KCNT2: variants seen among roughly 807,000 people sequenced by gnomAD.
KCNT2 encodes potassium sodium-activated channel subfamily T member 2, also known as potassium channel subfamily T member 2.
A neutral mutation model predicts 153.8 loss-of-function variants in KCNT2; 67 were observed. The observed-to-expected ratio is 0.44, with a 90% CI of 0.36 to 0.53. KCNT2 has a LOEUF of 0.53. Ranked by LOEUF, KCNT2 falls within the 20% of genes least tolerant of loss-of-function variation. KCNT2 has a pLI of 0.00. For synonymous variants in KCNT2, 500 were observed against 458.8 expected (o/e 1.09, Z -1.15); for missense variants, 975 against 1,354.8 (o/e 0.72, Z 4.40).
intron 13 of KCNT2, among the ~76,000 whole-genome samples, chr1:196,374,569 A>G (rs1314482340): frequency 2.0e-5 from 3 of 151,990 alleles, no homozygotes; most frequent in East Asian, 3.9e-4. Flanking sequence ...TAATTGACAT[A>G]AAATGTTTTT....
At chr1:196,315,049 A>G (rs916571555) in intron 21 of KCNT2, among the ~76,000 whole-genome samples, 1 of 151,726 alleles carries the variant, frequency 6.6e-6, no homozygotes, top group African/African-American at 2.4e-5. Flanking sequence ...AACTCAAATT[A>G]GAAGGCAAAA....
chr1:196,585,438 G>T (rs1331818443), intron 1 of KCNT2, among the ~76,000 whole-genome samples: 1 of 151,936 alleles, frequency 6.6e-6, no homozygotes, highest in Non-Finnish European at 1.5e-5. Flanking sequence ...TTTATATTTT[G>T]ATTATTGGAC....
chr1:196,592,991 AGTG>A (rs1330854884), intron 1 of KCNT2, among the ~76,000 whole-genome samples: 1 of 150,690 alleles, frequency 6.6e-6, no homozygotes, highest in Non-Finnish European at 1.5e-5. Context: ...GAAGTTCTTT[AGTG>A]GTGATTTGTA....
chr1:196,538,725 T>C (rs576278891), intron 1 of KCNT2, among the ~76,000 whole-genome samples: 2 of 152,278 alleles, frequency 1.3e-5, no homozygotes, highest in South Asian at 2.1e-4. Context: ...CACTTCAGCC[T>C]ACTCCTGACT....
intron 1 of KCNT2, among the ~76,000 whole-genome samples, chr1:196,500,419 A>G (rs545598497): frequency 6.6e-6 from 1 of 152,254 alleles, no homozygotes; most frequent in Non-Finnish European, 1.5e-5. Flanking sequence ...TGGTCTTTCT[A>G]TTCTTTTTCT....
At chr1:196,462,616 C>T (rs1363280182) in intron 8 of KCNT2, among the ~76,000 whole-genome samples, 1 of 151,176 alleles carries the variant, frequency 6.6e-6, no homozygotes, top group East Asian at 1.9e-4. Context: ...AAAACTAAAA[C>T]TTTTGAGGTG....
intron 19 of KCNT2, among the ~76,000 whole-genome samples, chr1:196,319,804 A>G (rs1183447083): frequency 6.6e-6 from 1 of 151,842 alleles, no homozygotes; most frequent in Non-Finnish European, 1.5e-5. Context: ...ACATTATCGC[A>G]TAATTCTACA....
At chr1:196,588,314 C>T (rs886721215) in intron 1 of KCNT2, among the ~76,000 whole-genome samples, 1 of 151,200 alleles carries the variant, frequency 6.6e-6, no homozygotes, top group African/African-American at 2.4e-5. Flanking sequence ...AAAGCTGTTG[C>T]CCTAATGCCC....
chr1:196,354,240 C>A (rs1204335962), intron 14 of KCNT2, among the ~76,000 whole-genome samples: 1 of 151,584 alleles, frequency 6.6e-6, no homozygotes, highest in African/African-American at 2.4e-5. Flanking sequence ...GGGAGTCTAC[C>A]TCTTTCACAG....
intron 13 of KCNT2, among the ~76,000 whole-genome samples, chr1:196,381,958 C>A (rs1669529853): frequency 6.6e-6 from 1 of 151,706 alleles, no homozygotes; most frequent in African/African-American, 2.4e-5. Context: ...TTATTAGTAG[C>A]AAATAAATAC....
At chr1:196,444,988 A>G (rs2148599700) in intron 8 of KCNT2, among the ~76,000 whole-genome samples, 1 of 151,498 alleles carries the variant, frequency 6.6e-6, no homozygotes, top group South Asian at 2.1e-4. Context: ...TCAGTCTAAA[A>G]GGATTTTCTA....
chr1:196,316,060 T>G, intron 20 of KCNT2, 34 bp from the exon 21 acceptor site: 2 of 1,592,332 alleles, frequency 1.3e-6, no homozygotes, highest in Non-Finnish European at 1.7e-6. Flanking sequence ...AAACAAACAT[T>G]AAATAAATCA....
chr1:196,563,311 G>A (rs1441650531), intron 1 of KCNT2, among the ~76,000 whole-genome samples: 1 of 151,444 alleles, frequency 6.6e-6, no homozygotes, highest in Non-Finnish European at 1.5e-5. Context: ...GACTGCTTTG[G>A]TATAATTTTC....
chr1:196,448,543 G>T (rs1196070152), intron 8 of KCNT2, among the ~76,000 whole-genome samples: 5 of 151,400 alleles, frequency 3.3e-5, no homozygotes. Flanking sequence ...CTACTGTGTG[G>T]CCTGGAAGCT....
intron 25 of KCNT2, among the ~76,000 whole-genome samples, chr1:196,269,891 C>T (rs928384986): frequency 7.9e-5 from 12 of 152,084 alleles, no homozygotes; most frequent in Admixed American, 2.6e-4. Context: ...CCTTTTGTAA[C>T]GTACTCATAA....
rs140925391 is a variant in KCNT2 at position 196,542,782 on chromosome 1, G to A, written c.96-50441C>T. Among the ~76,000 whole-genome samples the A allele has an allele frequency of 2.0e-3, 303 of 152,184 alleles. 1 individual carries two copies. Among genetic ancestry groups the A allele is most frequent in the African/African-American group, 6.7e-3 (277 of 41,550 alleles). On this transcript the variant is annotated intron_variant, in intron 1 of 27. Transcript: ENST00000294725. ...GAAAATGGCAATAAATAAGATACCT[G>A]CTCCTCCTCAGGAAGACAAGAAACA...
At chr1:196,378,828 A>G (rs1180986612) in intron 13 of KCNT2, among the ~76,000 whole-genome samples, 1 of 146,906 alleles carries the variant, frequency 6.8e-6, no homozygotes, top group African/African-American at 2.5e-5. Flanking sequence ...TATATATATT[A>G]TATATATATA....
chr1:196,477,628 G>A (rs1042886951), intron 5 of KCNT2, among the ~76,000 whole-genome samples: 1 of 152,176 alleles, frequency 6.6e-6, no homozygotes. Flanking sequence ...TGATGTGCTA[G>A]ATATGAGTTC....
At chr1:196,555,504 A>G (rs1300019937) in intron 1 of KCNT2, among the ~76,000 whole-genome samples, 3 of 151,346 alleles carry the variant, frequency 2.0e-5, no homozygotes, top group Admixed American at 6.6e-5. Flanking sequence ...ATTAAAGAGG[A>G]CACGAAAATA....
Sources: gnomAD v4.1 joint callset for allele counts (sites outside exome capture counted in the v4.1 genomes callset) on GRCh38, gnomAD v4.1.1 for gene constraint, MANE v1.5 for transcripts, NCBI Gene and HGNC (gene_info 2026-07-23, HGNC 2026-07-21) for gene names.